The following REXO1 variants were observed in gnomAD, a reference collection of about 807,000 sequenced individuals.
The protein encoded by REXO1 is RNA exonuclease 1 homolog.
Under a neutral mutation model 102.6 loss-of-function variants are expected in REXO1, and 42 were observed. That is an observed-to-expected ratio of 0.41 (90% CI 0.32 to 0.53). REXO1 has a LOEUF of 0.53. REXO1 is among the 20% of genes least tolerant of loss of function. The pLI is 0.27. For missense variants in REXO1, 1,819 were observed against 1,732.5 expected (o/e 1.05, Z -0.89); for synonymous variants, 908 against 779.1 (o/e 1.17, Z -2.76).
At chr19:1,816,182 GCCC>G (rs1568676689) in intron 15 of REXO1, 28 bp from the exon 16 acceptor site, 1 of 1,559,752 alleles carries the variant, frequency 6.4e-7, no homozygotes. Context: ...TGAGCACCCG[GCCC>G]CTGCGCAGGG....
intron 1 of REXO1, among the ~76,000 whole-genome samples, chr19:1,832,556 T>C (rs980678894): frequency 6.6e-6 from 1 of 152,112 alleles, no homozygotes; most frequent in African/African-American, 2.4e-5. Flanking sequence ...AGCAGTGTTG[T>C]GCCCATCTTT....
chr19:1,848,245 G>A lies in REXO1; in HGVS notation c.114C>T (p.Gly38=). ...YCHFRHRGAR[G]SGAPGDGGEA... is the part of the protein sequence containing the mutation. ...CTCCGCCGTCACCGGGCGCGCCGGA[G>A]CCCCGGGCCCCGCGGTGCCGGAAGT... Residue 38 remains glycine (G), a synonymous_variant, in exon 1 of 16, where the codon GGC becomes GGT. Coordinates refer to ENST00000170168, the MANE Select transcript of REXO1 (RefSeq NM_020695.4). 8.1e-7 allele frequency: 1 copy of A among 1,228,408 alleles called. No homozygotes were observed. Among genetic ancestry groups the A allele is most frequent in the Non-Finnish European group, 1.0e-6 (1 of 981,352 alleles). The allele number at this position is 1,228,408 out of a possible 1,614,324, so 76.1% of individuals were successfully genotyped here.
rs185058868 is a variant in REXO1 at position 1,843,227 on chromosome 19, C to T, written c.157+4975G>A. On this transcript the variant is annotated intron_variant, in intron 1 of 15. Coordinates refer to ENST00000170168, the MANE Select transcript of REXO1 (RefSeq NM_020695.4). The stretch of plus-strand genomic sequence containing the variant: ...CCGGAGGGTCCCAGCTCCCCGGGCC[C>T]AGAGCCGCAGCTGGGCAAAGCTTCA... Among the ~76,000 whole-genome samples the T allele has an allele frequency of 4.8e-4, 73 of 151,310 alleles. No homozygotes were observed. In the East Asian group the frequency reaches 0.011, roughly 23 times the overall value.
Position 1,815,954 on chromosome 19 carries a change from C to G in REXO1, c.*112G>C. 1 of 1,535,328 alleles carries G rather than the reference C, an allele frequency of 6.5e-7. No homozygotes were observed. Among genetic ancestry groups the G allele is most frequent in the Non-Finnish European group, 8.7e-7 (1 of 1,146,546 alleles). ...CGCCAGCTCATCCCGCTGCTCTGGG[C>G]TGCCTCGGCCAGGTGGACGGGTTAC... On this transcript the variant is annotated 3_prime_UTR_variant, in exon 16 of 16. Coordinates refer to ENST00000170168, the MANE Select transcript of REXO1 (RefSeq NM_020695.4). This position sits in a 1 kb window ranked among gnomAD's most constrained non-coding sequence, Gnocchi z 4.0.
intron 1 of REXO1, among the ~76,000 whole-genome samples, chr19:1,847,707 C>T (rs1198973182): frequency 6.6e-6 from 1 of 152,216 alleles, no homozygotes; most frequent in East Asian, 1.9e-4. Context: ...ACACAAGAGA[C>T]GATCCTCGGA....
chr19:1,820,462 G>A (rs780713186), intron 5 of REXO1, 67 bp from the exon 6 acceptor site: 65 of 1,577,886 alleles, frequency 4.1e-5, no homozygotes, highest in African/African-American at 8.2e-5. Context: ...GAACGCAGAC[G>A]CGATGAGGCC....
In REXO1 at chr19:1,825,833, C is replaced by T. The variant is rs775389668; in HGVS notation, c.2016+6G>A. ...CTCCTGCTGGCCTGGCCTCTGCGGA[C>T]CTTACCTCCTGGCCTTGCTTGGAAA... On this transcript the variant is annotated splice_donor_region_variant and intron_variant, in intron 3 of 15. Transcript: ENST00000170168. 4 of 1,592,246 alleles carry T rather than the reference C, an allele frequency of 2.5e-6. No homozygotes were observed. In the South Asian group the frequency reaches 3.3e-5, roughly 13 times the overall value.
chr19:1,826,964 C>T lies in REXO1; in HGVS notation c.1825G>A (p.Asp609Asn). 6.4e-7 allele frequency: 1 copy of T among 1,569,204 alleles called. No homozygotes were observed. The highest frequency in any genetic ancestry group is 8.6e-7 in the Non-Finnish European group (1 of 1,157,834). ...AGGCACTCCTCCATGGGGTCGGAGT[C>T]AAAGTCCACCTCCTTCTCCAGGGCC... ...YSALEKEVDF[D>N]SDPMEECLRI... The change falls in exon 2 of 16, where the codon GAC becomes AAC. Residue 609 changes from aspartate (D) to asparagine (N), a missense_variant. Physicochemically the swap from Asp to Asn is conservative, Grantham distance 23. Transcript: ENST00000170168. The surrounding 1 kb of genome is among the most constrained non-coding windows in gnomAD (Gnocchi z 4.3).
rs184774308 is a variant in REXO1 at position 1,831,488 on chromosome 19, G to A, written c.158-2857C>T. Among the ~76,000 whole-genome samples the A allele has an allele frequency of 6.4e-4, 97 of 152,176 alleles. 1 individual carries two copies. The highest frequency in any genetic ancestry group is 1.5e-3 in the Admixed American group (23 of 15,282). ...CGACGCAGAGAACAGCAACAGAACT[G>A]GAGGCTTCCCCTATGGCCCCCACCC... is the stretch of plus-strand genomic sequence containing the variant. On this transcript the variant is annotated intron_variant, in intron 1 of 15. Coordinates refer to ENST00000170168, the MANE Select transcript of REXO1 (RefSeq NM_020695.4).
At chr19:1,818,401 C>G in intron 10 of REXO1, 81 bp downstream of exon 10, 1 of 1,080,994 alleles carries the variant, frequency 9.3e-7, no homozygotes. Context: ...AAAGCCTTAC[C>G]CCAGTTCTGG....
chr19:1,816,041 G>A lies in REXO1; in HGVS notation c.*25C>T. ...GCTAAGGACCAGCGGGACGGCAGGA[G>A]AGGCGGGTGGGAGGCGGGCAGGCGT... On this transcript the variant is annotated 3_prime_UTR_variant, in exon 16 of 16. Transcript: ENST00000170168. 1.9e-6 allele frequency: 3 copies of A among 1,540,770 alleles called. No homozygotes were observed. The highest frequency in any genetic ancestry group is 2.4e-5 in the East Asian group (1 of 40,936).
intron 1 of REXO1, among the ~76,000 whole-genome samples, chr19:1,836,147 G>A (rs970132559): frequency 2.0e-5 from 3 of 151,892 alleles, no homozygotes; most frequent in Non-Finnish European, 4.4e-5. Flanking sequence ...CACTGCCCCC[G>A]CCCCACCACA....
chr19:1,828,710 C>T (rs2069821940), intron 1 of REXO1, 79 bp from the exon 2 acceptor site: 1 of 1,464,432 alleles, frequency 6.8e-7, no homozygotes, highest in South Asian at 1.3e-5. Context: ...CGGTCTCAAA[C>T]TGCAGGGAAG....
intron 1 of REXO1, among the ~76,000 whole-genome samples, chr19:1,844,950 G>A (rs1479187747): frequency 3.3e-5 from 5 of 152,196 alleles, no homozygotes; most frequent in Admixed American, 2.0e-4. Context: ...GGGGCCCACC[G>A]CACCTCTGGA....
intron 1 of REXO1, among the ~76,000 whole-genome samples, chr19:1,835,940 C>T (rs2070026786): frequency 6.6e-6 from 1 of 152,254 alleles, no homozygotes; most frequent in Non-Finnish European, 1.5e-5. Context: ...CCTACACCAC[C>T]CATCCTGACC....
intron 1 of REXO1, among the ~76,000 whole-genome samples, chr19:1,842,000 C>T (rs2145331235): frequency 6.6e-6 from 1 of 152,296 alleles, no homozygotes; most frequent in East Asian, 1.9e-4. Context: ...CACTTGAGGC[C>T]AGGAGTTCGA....
intron 1 of REXO1, among the ~76,000 whole-genome samples, chr19:1,844,057 G>C (rs142304095): frequency 0.016 from 2,363 of 152,332 alleles, 36 homozygotes; most frequent in South Asian, 0.026. Context: ...CAGGGGTATG[G>C]GAGGCTGTCA....
intron 1 of REXO1, among the ~76,000 whole-genome samples, chr19:1,845,264 C>G (rs1311763429): frequency 6.6e-6 from 1 of 152,196 alleles, no homozygotes; most frequent in Non-Finnish European, 1.5e-5. Context: ...ACGTGCCCCT[C>G]TAGGCCGGGG....
rs576689155 is a variant in REXO1 at position 1,848,019 on chromosome 19, G to A, written c.157+183C>T. The stretch of plus-strand genomic sequence containing the variant: ...ACACTCGTGAAGACGAAGGCTTAGG[G>A]ACATCTAGTGCTTTGCACCGGGTCC... On this transcript the variant is annotated intron_variant, in intron 1 of 15. Transcript: ENST00000170168. Among the ~76,000 whole-genome samples the A allele has an allele frequency of 1.2e-4, 19 of 152,364 alleles. No homozygotes were observed. The East Asian group carries it at 3.3e-3, about 26-fold the overall frequency.
Sources: allele counts gnomAD v4.1 joint callset (sites outside exome capture counted in the v4.1 genomes callset), GRCh38; gene constraint gnomAD v4.1.1; non-coding constraint Gnocchi (gnomAD v3.1); transcripts MANE v1.5; gene names NCBI Gene and HGNC (gene_info 2026-07-23, HGNC 2026-07-21).